SYT6: variants seen among roughly 807,000 people sequenced by gnomAD.
SYT6 encodes synaptotagmin-6.
In SYT6, 24 loss-of-function variants were observed where a neutral mutation model predicts 38.4. That is an observed-to-expected ratio of 0.62 (90% CI 0.45 to 0.88). SYT6 has a LOEUF of 0.88. Ranked by LOEUF, SYT6 falls within the 40% of genes least tolerant of loss-of-function variation. The probability of loss-of-function intolerance (pLI) is 0.00; values close to 1 mark genes in which losing one functional copy is unlikely to be tolerated. For synonymous variants in SYT6, 265 were observed against 241.9 expected, an observed-to-expected ratio of 1.10 and a Z score of -0.89; for missense variants, 611 against 621.0, an observed-to-expected ratio of 0.98 and a Z score of 0.17.
rs140546033 is a variant in SYT6, at chr1:114,145,801, G to C, written c.164-5838C>G. 4.8e-3 allele frequency among the ~76,000 whole-genome samples: 734 copies of C among 152,294 alleles called. 9 individuals carry two copies. The highest frequency in any genetic ancestry group is 0.017 in the African/African-American group (696 of 41,558). The stretch of plus-strand genomic sequence containing the variant: ...GTAATAATTAGAATTTTAATGAGAA[G>C]GGGAGTAGGGGGAATCTAGAGAGCA... On this transcript the variant is annotated intron_variant, in intron 1 of 7. Transcript: ENST00000610222.
chr1:114,131,225 A>G (rs956010833), intron 3 of SYT6, among the ~76,000 whole-genome samples: 1 of 152,152 alleles, frequency 6.6e-6, no homozygotes, highest in Non-Finnish European at 1.5e-5. Flanking sequence ...TGCCTGGTAC[A>G]TAGTAATTAC....
intron 1 of SYT6, among the ~76,000 whole-genome samples, chr1:114,142,214 C>A (rs151182275): frequency 1.8e-3 from 275 of 152,220 alleles, no homozygotes; most frequent in African/African-American, 6.1e-3. Context: ...ATTCTTGATG[C>A]CATTAAGAAC....
At chr1:114,125,268 GC>G (rs1002515787) in intron 3 of SYT6, among the ~76,000 whole-genome samples, 3 of 152,234 alleles carry the variant, frequency 2.0e-5, no homozygotes, top group African/African-American at 7.2e-5. Context: ...TGTTTTTCAG[GC>G]CATCAAGATG....
chr1:114,145,415 C>A (rs544878325), intron 1 of SYT6, among the ~76,000 whole-genome samples: 2 of 151,662 alleles, frequency 1.3e-5, no homozygotes, highest in Non-Finnish European at 2.9e-5. Flanking sequence ...AACTGGGCTA[C>A]AACCCAGCCA....
chr1:114,131,019 G>C (rs756434637), intron 3 of SYT6, among the ~76,000 whole-genome samples: 1 of 152,122 alleles, frequency 6.6e-6, no homozygotes, highest in Non-Finnish European at 1.5e-5. Context: ...GTGTGTGGGC[G>C]TGAGAAGAGG....
chr1:114,124,042 G>A (rs987094999), intron 3 of SYT6, among the ~76,000 whole-genome samples: 1 of 152,212 alleles, frequency 6.6e-6, no homozygotes, highest in African/African-American at 2.4e-5. Context: ...AGAACTGGGA[G>A]GGTTGAGATA....
chr1:114,141,366 T>C (rs1018906551), intron 1 of SYT6, among the ~76,000 whole-genome samples: 2 of 152,212 alleles, frequency 1.3e-5, no homozygotes, highest in Non-Finnish European at 2.9e-5. Flanking sequence ...GGACAGAAGA[T>C]CAAACCAGCC....
intron 3 of SYT6, among the ~76,000 whole-genome samples, chr1:114,107,272 C>G (rs949784229): frequency 8.5e-5 from 13 of 152,332 alleles, no homozygotes; most frequent in African/African-American, 3.1e-4. Flanking sequence ...GTCAGGATGG[C>G]TCCCTCCAGG....
intron 1 of SYT6, among the ~76,000 whole-genome samples, chr1:114,141,387 C>T (rs1488932823): frequency 6.6e-6 from 1 of 152,246 alleles, no homozygotes; most frequent in Non-Finnish European, 1.5e-5. Flanking sequence ...CCAACATTCT[C>T]TTAAGCCAAA....
At chr1:114,132,122 T>C (rs1258812227) in intron 3 of SYT6, among the ~76,000 whole-genome samples, 1 of 152,124 alleles carries the variant, frequency 6.6e-6, no homozygotes, top group Non-Finnish European at 1.5e-5. Flanking sequence ...AGTGTTGTGG[T>C]GAGGATGAAA....
intron 3 of SYT6, among the ~76,000 whole-genome samples, chr1:114,125,588 C>T (rs1030069489): frequency 5.6e-5 from 8 of 143,326 alleles, no homozygotes; most frequent in East Asian, 4.6e-4. Flanking sequence ...TTGGCAGTGG[C>T]GTGGGGGCTG....
intron 3 of SYT6, among the ~76,000 whole-genome samples, chr1:114,104,478 G>A (rs1346995732): frequency 6.6e-6 from 1 of 152,190 alleles, no homozygotes; most frequent in Non-Finnish European, 1.5e-5. Context: ...ACACCCATCT[G>A]TGGCATTAAA....
Position 114,139,716 on chromosome 1 carries a change from C to A in SYT6, c.411G>T (p.Thr137=), listed in dbSNP as rs536926240. 8 of 1,614,030 alleles carry A rather than the reference C, an allele frequency of 5.0e-6. No homozygotes were observed. Among genetic ancestry groups the A allele is most frequent in the Admixed American group, 3.3e-5 (2 of 59,998 alleles). ...FLEAAVKISH[T]SPDIPAEVQM... Reference sequence around the variant, plus strand: ...GCACCTCAGCTGGGATATCTGGGGACGTGTGGCTGATCTTCACGGCCGCCT... The same window carrying A: ...GCACCTCAGCTGGGATATCTGGGGAAGTGTGGCTGATCTTCACGGCCGCCT... The change falls in exon 2 of 8, where the codon ACG becomes ACT. Residue 137 remains threonine (T), a synonymous_variant. Transcript: ENST00000610222.
In SYT6 at chr1:114,138,071, G is replaced by C. The variant is rs370639763; in HGVS notation, c.513-18C>G. Reference sequence around the variant, plus strand: ...ACGTGTGCCTGGTAGAGGGCAGGAGGGGGCAGAGGGAGTGTGGTCAGGGCT... The same window carrying C: ...ACGTGTGCCTGGTAGAGGGCAGGAGCGGGCAGAGGGAGTGTGGTCAGGGCT... On this transcript the variant is annotated intron_variant, in intron 2 of 7. Transcript: ENST00000610222. 2.5e-6 allele frequency: 4 copies of C among 1,606,262 alleles called. No homozygotes were observed. In the Admixed American group the frequency reaches 6.7e-5, roughly 27 times the overall value.
At position 114,113,518 on chromosome 1, in the gene SYT6, T is replaced by C. The variant is rs1676813029; in HGVS notation, c.1072-9797A>G. ...TTCTCAGAGGCTCAAAGTTGCCCTT[T>C]TCTGTTTACATTCTCCTCTAATTTT... On this transcript the variant is annotated intron_variant, in intron 3 of 7. Coordinates refer to ENST00000610222, the MANE Select transcript of SYT6 (RefSeq NM_001253772.2). 2.6e-5 allele frequency among the ~76,000 whole-genome samples: 4 copies of C among 152,326 alleles called. No individual in the cohort carries two copies. In the South Asian group the frequency reaches 8.3e-4, roughly 32 times the overall value.
At chr1:114,105,534 G>A (rs774333998) in intron 3 of SYT6, among the ~76,000 whole-genome samples, 5 of 151,422 alleles carry the variant, frequency 3.3e-5, no homozygotes, top group Non-Finnish European at 4.4e-5. Flanking sequence ...GGGCCAGGGC[G>A]GGGCACACTG....
intron 1 of SYT6, among the ~76,000 whole-genome samples, chr1:114,141,494 G>A (rs1221282194): frequency 1.3e-5 from 2 of 152,202 alleles, no homozygotes. Context: ...AGCAGAGGTT[G>A]GTTCTTGAGG....
rs146387687 is a variant in SYT6, at chr1:114,142,043, T to C, written c.164-2080A>G. ...GCTCTGATGCAGATGTACAAGGAGA[T>C]AAATGTTGTTTTCATGCCAGCTAAA... On this transcript the variant is annotated intron_variant, in intron 1 of 7. Transcript: ENST00000610222. Among the ~76,000 whole-genome samples, 109 of 152,342 alleles carry C rather than the reference T, an allele frequency of 7.2e-4. 1 individual carries two copies. The East Asian group carries it at 0.016, about 22-fold the overall frequency.
In SYT6 at chr1:114,139,617, G is replaced by A. The variant is rs1440051405; in HGVS notation, c.510C>T (p.Thr170=). ...GAAGGGAGTGGTCCACTCCTCACCT[G>A]GTGGATGACGCTGGCTCTGTAGTTT... ...QRQTTEPASS[T]RHTSFKRHLP... is the part of the protein sequence containing the mutation. The change falls in exon 2 of 8, where the codon ACC becomes ACT. Residue 170 remains threonine (T), a splice_region_variant and synonymous_variant. Transcript: ENST00000610222. 6.8e-6 allele frequency: 11 copies of A among 1,613,988 alleles called. No individual in the cohort carries two copies. In the East Asian group the frequency reaches 2.0e-4, roughly 29 times the overall value.
Sources: gnomAD v4.1 joint callset for allele counts (sites outside exome capture counted in the v4.1 genomes callset) on GRCh38, gnomAD v4.1.1 for gene constraint, MANE v1.5 for transcripts, NCBI Gene and HGNC (gene_info 2026-07-23, HGNC 2026-07-21) for gene names.